SLCO1B1: variants seen among roughly 807,000 people sequenced by gnomAD.
SLCO1B1 encodes the protein OATP-2.
A neutral mutation model predicts 70.1 loss-of-function variants in SLCO1B1; 81 were observed. That is an observed-to-expected ratio of 1.16 (90% CI 0.97 to 1.39). The LOEUF is 1.39. Among genes scored for constraint, SLCO1B1 ranks in the 40% most tolerant of loss-of-function variants. SLCO1B1 has a pLI of 0.00. For synonymous variants in SLCO1B1, 283 were observed against 271.5 expected, an observed-to-expected ratio of 1.04 and a Z score of -0.42; for missense variants, 895 against 799.6, an observed-to-expected ratio of 1.12 and a Z score of -1.44.
Position 21,196,956 on chromosome 12 carries a change from G to C in SLCO1B1, c.738G>C (p.Arg246Ser). 6.2e-7 allele frequency: 1 copy of C among 1,613,284 alleles called. No homozygotes were observed. The highest frequency in any genetic ancestry group is 8.5e-7 in the Non-Finnish European group (1 of 1,179,476). The change falls in exon 8 of 15, where the codon AGG (arginine) becomes AGC (serine). Residue 246 changes from arginine to serine, a missense_variant. Physicochemically the swap from Arg to Ser is moderately radical, Grantham distance 110. Coordinates refer to ENST00000256958, the MANE Select transcript of SLCO1B1 (RefSeq NM_006446.5). ...AATTATTTATTCTAGGCACTATCAG[G>C]ATAACTCCTACTGATTCTCGATGGG... ...DIGYVDLSTI[R>S]ITPTDSRWVG...
chr12:21,137,246 G>A (rs1325237714), intron 1 of SLCO1B1, among the ~76,000 whole-genome samples: 1 of 152,166 alleles, frequency 6.6e-6, no homozygotes, highest in African/African-American at 2.4e-5. Context: ...CCCCTACTGG[G>A]GGGTGCCTCC....
rs571373489 is a variant in SLCO1B1, at chr12:21,197,073, A to C, written c.855A>C (p.Lys285Asn). 1 of 1,613,778 alleles carries C rather than the reference A, an allele frequency of 6.2e-7. No individual in the cohort carries two copies. Among genetic ancestry groups the C allele is most frequent in the South Asian group, 1.1e-5 (1 of 91,076 alleles). ...PFFFLPQTPN[K>N]PQKERKASLS... is the part of the protein sequence containing the mutation. ...TTTTCTTGCCCCAAACTCCAAATAA[A>C]CCACAAAAAGAAAGAAAAGCTTCAC... The change falls in exon 8 of 15, where the codon AAA (lysine) becomes AAC (asparagine). Residue 285 changes from lysine to asparagine, a missense_variant. Physicochemically the swap from Lys to Asn is moderately conservative, Grantham distance 94 (BLOSUM62 0). Coordinates refer to ENST00000256958, the MANE Select transcript of SLCO1B1 (RefSeq NM_006446.5).
In SLCO1B1 at chr12:21,134,360, G is replaced by A. The variant is rs192696307; in HGVS notation, c.-62+3124G>A. Among the ~76,000 whole-genome samples, 479 of 152,240 alleles carry A rather than the reference G, an allele frequency of 3.1e-3. 3 individuals carry two copies. The highest frequency in any genetic ancestry group is 0.011 in the African/African-American group (465 of 41,548). ...ATGCTGGCCTCATAAAATGAGTTAG[G>A]GAGGATTCCCTCTTTTTCTATTGAT... On this transcript the variant is annotated intron_variant, in intron 1 of 14. Coordinates refer to ENST00000256958, the MANE Select transcript of SLCO1B1 (RefSeq NM_006446.5).
chr12:21,187,953 T>C (rs752458803), intron 7 of SLCO1B1, among the ~76,000 whole-genome samples: 26 of 152,146 alleles, frequency 1.7e-4, no homozygotes, highest in South Asian at 4.1e-4. Context: ...GAAGGAGACA[T>C]AGAAGCAGCA....
At chr12:21,206,641 G>A (rs1565438850) in intron 11 of SLCO1B1, among the ~76,000 whole-genome samples, 1 of 151,878 alleles carries the variant, frequency 6.6e-6, no homozygotes, top group Admixed American at 6.6e-5. Context: ...ATGTCAATAT[G>A]TCCCATAGAA....
chr12:21,167,998 T>C (rs1447693214), intron 2 of SLCO1B1, among the ~76,000 whole-genome samples: 1 of 151,062 alleles, frequency 6.6e-6, no homozygotes, highest in East Asian at 2.0e-4. Context: ...TTTTTTTGTA[T>C]TTTTAGTAGA....
intron 11 of SLCO1B1, among the ~76,000 whole-genome samples, chr12:21,211,938 A>T (rs922422999): frequency 3.8e-4 from 57 of 149,660 alleles, no homozygotes; most frequent in Admixed American, 6.7e-4. Flanking sequence ...TGTGTCTATT[A>T]GATTCTTCTC....
chr12:21,195,465 C>T (rs189015798), intron 7 of SLCO1B1, among the ~76,000 whole-genome samples: 31 of 152,234 alleles, frequency 2.0e-4, no homozygotes, highest in Admixed American at 7.2e-4. Flanking sequence ...CCTCCTCACT[C>T]TGCATAGATC....
chr12:21,134,379 T>C (rs1183902233), intron 1 of SLCO1B1, among the ~76,000 whole-genome samples: 1 of 152,344 alleles, frequency 6.6e-6, no homozygotes, highest in Non-Finnish European at 1.5e-5. Context: ...CCTCTTTTTC[T>C]ATTGATTGGA....
At chr12:21,202,436 A>G in intron 9 of SLCO1B1, 55 bp from the exon 10 acceptor site, 1 of 1,117,058 alleles carries the variant, frequency 9.0e-7, no homozygotes, top group Non-Finnish European at 1.3e-6. Flanking sequence ...TTTCATCTAT[A>G]AAGACATATC....
intron 2 of SLCO1B1, among the ~76,000 whole-genome samples, chr12:21,160,931 A>G (rs570037810): frequency 1.3e-5 from 2 of 152,234 alleles, no homozygotes; most frequent in African/African-American, 4.8e-5. Flanking sequence ...ACTGATCATT[A>G]GAGAAATTCA....
At chr12:21,233,552 CAAAA>C (rs35924420) in intron 14 of SLCO1B1, among the ~76,000 whole-genome samples, 5 of 104,890 alleles carry the variant, frequency 4.8e-5, no homozygotes, top group African/African-American at 1.5e-4. Context: ...ACTGAGACCT[CAAAA>C]AAAAAACAAA....
At position 21,164,937 on chromosome 12, in the gene SLCO1B1, G is replaced by GT. The variant is rs1330229580; in HGVS notation, c.85-7712dup. 6 of 420,648 alleles carry GT rather than the reference G, an allele frequency of 1.4e-5. No homozygotes were observed. In the Admixed American group the frequency reaches 1.7e-4, roughly 12 times the overall value. The allele number at this position is 420,648 out of a possible 1,614,324, so 26.1% of individuals were successfully genotyped here. A position where few individuals can be genotyped will look rare whatever the true frequency, so the allele number is the denominator to read the frequency against. ...TTGCTGCTGAAGATTATAATTTTCA[G>GT]TGCATTGATTATGTCTTATTTGTTT... On this transcript the variant is annotated intron_variant, in intron 2 of 14. Coordinates refer to ENST00000256958, the MANE Select transcript of SLCO1B1 (RefSeq NM_006446.5).
chr12:21,137,221 T>A (rs1368177649), intron 1 of SLCO1B1, among the ~76,000 whole-genome samples: 5 of 152,134 alleles, frequency 3.3e-5, no homozygotes, highest in African/African-American at 1.2e-4. Context: ...CCCGACCGTG[T>A]GAGGTGTCAG....
intron 2 of SLCO1B1, among the ~76,000 whole-genome samples, chr12:21,150,843 G>C (rs1940462005): frequency 6.6e-6 from 1 of 152,064 alleles, no homozygotes; most frequent in African/African-American, 2.4e-5. Context: ...ATTTAAAGTG[G>C]GTTTCATGTA....
intron 1 of SLCO1B1, among the ~76,000 whole-genome samples, chr12:21,133,955 T>C (rs538003759): frequency 3.3e-5 from 5 of 152,206 alleles, no homozygotes; most frequent in Non-Finnish European, 4.4e-5. Flanking sequence ...TTCAGTATCA[T>C]ATTGGCTGCA....
At chr12:21,231,408 T>G (rs1043032883) in intron 14 of SLCO1B1, among the ~76,000 whole-genome samples, 41 of 133,054 alleles carry the variant, frequency 3.1e-4, no homozygotes, top group African/African-American at 1.1e-3. Context: ...CTTCAATGCC[T>G]GGGGTTCCAT....
chr12:21,215,302 T>A (rs1206293236), intron 11 of SLCO1B1, among the ~76,000 whole-genome samples: 1 of 152,182 alleles, frequency 6.6e-6, no homozygotes, highest in Non-Finnish European at 1.5e-5. Context: ...ATATATGAAG[T>A]TGGCTGTGGT....
At chr12:21,196,361 G>A (rs1222187381) in intron 7 of SLCO1B1, among the ~76,000 whole-genome samples, 1 of 152,028 alleles carries the variant, frequency 6.6e-6, no homozygotes, top group Non-Finnish European at 1.5e-5. Context: ...AGAAAAATAT[G>A]ACTGAAATAA....
Sources: allele counts gnomAD v4.1 joint callset (sites outside exome capture counted in the v4.1 genomes callset), GRCh38; gene constraint gnomAD v4.1.1; transcripts MANE v1.5; gene names NCBI Gene and HGNC (gene_info 2026-07-23, HGNC 2026-07-21).